Variants in HCRTR1 observed in about 807,000 individuals in gnomAD.
HCRTR1 encodes orexin/Hypocretin receptor type 1.
A neutral mutation model predicts 40.6 loss-of-function variants in HCRTR1; 28 were observed. That is an observed-to-expected ratio of 0.69 (90% CI 0.51 to 0.95). HCRTR1 has a LOEUF of 0.95. Ranked by LOEUF, HCRTR1 falls within the 40% of genes least tolerant of loss-of-function variation. HCRTR1 has a pLI of 0.00. For synonymous variants in HCRTR1, 209 were observed against 230.0 expected (o/e 0.91, Z 0.83); for missense variants, 482 against 564.7 (o/e 0.85, Z 1.48).
At chr1:31,630,721 CT>C, downstream of HCRTR1, 1 of 1,614,160 alleles carries the variant, frequency 6.2e-7, no homozygotes. Flanking sequence ...GCACCTGCAG[CT>C]GGGTGCACAC....
chr1:31,622,440 T>C (rs1639876105), intron 6 of HCRTR1, among the ~76,000 whole-genome samples: 1 of 151,942 alleles, frequency 6.6e-6, no homozygotes, highest in South Asian at 2.1e-4. Context: ...GGTCCTGCCT[T>C]GGAGGAGCAC....
rs1639908341 is a variant in HCRTR1 at position 31,623,596 on chromosome 1, G to C, written c.812G>C (p.Gly271Ala). ...GACCAGCTGGGGGACCTGGAGCAGGGCCTGAGTGGAGAGCCCCAGCCCCGG... is the reference window on the plus strand; with the variant it reads ...GACCAGCTGGGGGACCTGGAGCAGGCCCTGAGTGGAGAGCCCCAGCCCCGG... ...PSDQLGDLEQGLSGEPQPRAR... is the reference protein window; with the variant it reads ...PSDQLGDLEQALSGEPQPRAR... The change falls in exon 7 of 9, where the codon GGC becomes GCC. Residue 271 changes from glycine (G) to alanine (A), a missense_variant. By Grantham distance (60) the Gly-to-Ala change is moderately conservative. Transcript: ENST00000403528. 6.2e-7 allele frequency: 1 copy of C among 1,613,488 alleles called. No individual in the cohort carries two copies. Among genetic ancestry groups the C allele is most frequent in the Non-Finnish European group, 8.5e-7 (1 of 1,180,002 alleles).
intron 7 of HCRTR1, among the ~76,000 whole-genome samples, chr1:31,624,224 CAAG>C (rs1227008462): frequency 2.0e-5 from 3 of 151,950 alleles, no homozygotes; most frequent in South Asian, 2.1e-4. Flanking sequence ...GTTGGGAGGC[CAAG>C]GAGGGAGGAT....
downstream of HCRTR1, chr1:31,633,134 G>C (rs1214549944): frequency 1.9e-6 from 3 of 1,603,382 alleles, no homozygotes; most frequent in Non-Finnish European, 2.6e-6. Flanking sequence ...CCCAGCTCAG[G>C]CCCAAGGGCA....
chr1:31,631,286 T>C (rs549071684), downstream of HCRTR1, among the ~76,000 whole-genome samples: 1 of 152,318 alleles, frequency 6.6e-6, no homozygotes, highest in African/African-American at 2.4e-5. Context: ...ATCCCTATCT[T>C]ATCATCTCTA....
intron 7 of HCRTR1, 57 bp from the exon 8 acceptor site, chr1:31,624,940 C>G: frequency 6.6e-7 from 1 of 1,513,720 alleles, no homozygotes; most frequent in South Asian, 1.3e-5. Flanking sequence ...GCAGCACTCC[C>G]CCAGTACATG....
intron 7 of HCRTR1, among the ~76,000 whole-genome samples, chr1:31,624,181 G>A (rs1001711581): frequency 1.1e-4 from 17 of 152,142 alleles, no homozygotes; most frequent in Non-Finnish European, 2.4e-4. Context: ...GCAGGGGGCC[G>A]GGTGCAGTGG....
chr1:31,631,273 A>T (rs535864486), downstream of HCRTR1, among the ~76,000 whole-genome samples: 1 of 152,344 alleles, frequency 6.6e-6, no homozygotes, highest in Admixed American at 6.5e-5. Flanking sequence ...GCTTAGCCTC[A>T]CTATCCCTAT....
downstream of HCRTR1, among the ~76,000 whole-genome samples, chr1:31,628,586 C>T (rs1162008502): frequency 6.6e-6 from 1 of 152,212 alleles, no homozygotes; most frequent in Non-Finnish European, 1.5e-5. Flanking sequence ...CTCAGCTGAG[C>T]ACAAAGGTGA....
chr1:31,627,303 C>T lies in HCRTR1; in HGVS notation c.*323C>T, dbSNP rs140494243. 27 of 1,338,258 alleles carry T rather than the reference C, an allele frequency of 2.0e-5. No homozygotes were observed. In the East Asian group the frequency reaches 8.1e-4, roughly 40 times the overall value. The allele number at this position is 1,338,258 out of a possible 1,614,324, so 82.9% of individuals were successfully genotyped here. On this transcript the variant is annotated 3_prime_UTR_variant, in exon 9 of 9. Coordinates refer to ENST00000403528, the MANE Select transcript of HCRTR1 (RefSeq NM_001525.3). ...GAGCTTGGTCATCCTCCTAAAGACC[C>T]CTTTCCTACCCAATTACAGGCCTTC...
At chr1:31,621,140 C>G in intron 5 of HCRTR1, 54 bp downstream of exon 5, 2 of 1,565,270 alleles carry the variant, frequency 1.3e-6, no homozygotes, top group African/African-American at 1.3e-5. Context: ...TTTGGGAGCA[C>G]GTACCCCTAG....
intron 4 of HCRTR1, 43 bp from the exon 5 acceptor site, chr1:31,620,800 G>A (rs1470423660): frequency 6.3e-7 from 1 of 1,594,910 alleles, no homozygotes; most frequent in Non-Finnish European, 8.5e-7. Context: ...TCACATCGCT[G>A]GGTGGCCCCC....
At chr1:31,621,673 C>A in intron 6 of HCRTR1, 81 bp downstream of exon 6, 1 of 971,682 alleles carries the variant, frequency 1.0e-6, no homozygotes, top group Non-Finnish European at 1.6e-6. Context: ...ACTGAGTAGG[C>A]AGTCCTCTGC....
At chr1:31,621,200 T>G in intron 5 of HCRTR1, 114 bp downstream of exon 5, 3 of 1,390,000 alleles carry the variant, frequency 2.2e-6, no homozygotes, top group Non-Finnish European at 2.9e-6. Flanking sequence ...CCAGAGCAGG[T>G]ATTTCCCTAG....
Position 31,619,552 on chromosome 1 carries a change from A to G in HCRTR1, c.220A>G (p.Asn74Asp). Residue 74 changes from asparagine (N) to aspartate (D), a missense_variant, in exon 4 of 9, where the codon AAC becomes GAC. Asn to Asp is a conservative substitution (Grantham distance 23). Coordinates refer to ENST00000403528, the MANE Select transcript of HCRTR1 (RefSeq NM_001525.3). ...NTLVCLAVWR[N>D]HHMRTVTNYF... ...TGCAGTCTGCCTGGCCGTGTGGCGG[A>G]ACCACCACATGAGGACAGTCACCAA... is the stretch of plus-strand genomic sequence containing the variant. The G allele has an allele frequency of 1.2e-6, 2 of 1,614,032 alleles. No homozygotes were observed. Among genetic ancestry groups the G allele is most frequent in the African/African-American group, 1.3e-5 (1 of 75,030 alleles).
chr1:31,620,709 C>T, intron 4 of HCRTR1, 134 bp from the exon 5 acceptor site: 1 of 1,160,984 alleles, frequency 8.6e-7, no homozygotes, highest in South Asian at 1.4e-5. Flanking sequence ...GTGACTTGCC[C>T]ACATTTACAC....
rs1331390466 is a variant in HCRTR1 at position 31,626,201 on chromosome 1, C to A, written c.1088-589C>A. Among the ~76,000 whole-genome samples, 1 of 152,190 alleles carries A rather than the reference C, an allele frequency of 6.6e-6. No homozygotes were observed. Among genetic ancestry groups the A allele is most frequent in the Non-Finnish European group, 1.5e-5 (1 of 68,034 alleles). On this transcript the variant is annotated intron_variant, in intron 8 of 8. Transcript: ENST00000403528. The surrounding 1 kb of genome is among the most constrained non-coding windows in gnomAD (Gnocchi z 4.6). ...AATGTGGTGTGGTGGTCCCTCCTTCCCTCCTCCCCCTTGAGAAGGGCTTTG... is the reference window on the plus strand; with the variant it reads ...AATGTGGTGTGGTGGTCCCTCCTTCACTCCTCCCCCTTGAGAAGGGCTTTG...
At position 31,618,768 on chromosome 1, in the gene HCRTR1, G is replaced by C. The variant is rs1451622633; in HGVS notation, c.-191G>C. The C allele has an allele frequency of 5.7e-6, 1 of 174,844 alleles. No individual in the cohort carries two copies. The highest frequency in any genetic ancestry group is 1.7e-4 in the East Asian group (1 of 5,996). The allele number at this position is 174,844 out of a possible 1,614,324, so 10.8% of individuals were successfully genotyped here. A position where few individuals can be genotyped will look rare whatever the true frequency, so the allele number is the denominator to read the frequency against. On this transcript the variant is annotated 5_prime_UTR_variant, in exon 2 of 9. Transcript: ENST00000403528. ...CTTCTCGTACCAGGTTCTTGGTGAA[G>C]CACTTGGCACGCATCGGAGCTCATT... is the stretch of plus-strand genomic sequence containing the variant.
rs759338759 is a variant in HCRTR1, at chr1:31,619,230, T to C, written c.38T>C (p.Val13Ala). 3 of 1,612,822 alleles carry C rather than the reference T, an allele frequency of 1.9e-6. No individual in the cohort carries two copies. In the Admixed American group the frequency reaches 5.0e-5, roughly 27 times the overall value. Residue 13 changes from valine to alanine, a missense_variant, in exon 3 of 9, where the codon GTC becomes GCC. Physicochemically the swap from Val to Ala is moderately conservative, Grantham distance 64 (BLOSUM62 0). Transcript: ENST00000403528. ...PSATPGAQMG[V>A]PPGSREPSPV... ...GCCACCCCAGGGGCCCAGATGGGGG[T>C]CCCCCCTGGCAGCAGAGAGCCGTCC...
Sources: allele counts gnomAD v4.1 joint callset (sites outside exome capture counted in the v4.1 genomes callset), GRCh38; gene constraint gnomAD v4.1.1; non-coding constraint Gnocchi (gnomAD v3.1); transcripts MANE v1.5; gene names NCBI Gene and HGNC (gene_info 2026-07-23, HGNC 2026-07-21).